TEKT2: variants seen among roughly 807,000 people sequenced by gnomAD.
TEKT2 encodes the protein tektin-2.
TEKT2 carries 45 observed loss-of-function variants against 49.8 expected under a neutral mutation model. The ratio of observed to expected loss-of-function variants is 0.90; its 90% confidence interval spans 0.71 to 1.16. The LOEUF (loss-of-function observed/expected upper bound fraction) is 1.16, where lower values mean the gene tolerates loss of function less well. Ranked by LOEUF, TEKT2 falls within the 50% of genes most tolerant of loss-of-function variation. The pLI is 0.00. For missense variants in TEKT2, 523 were observed against 551.4 expected, an observed-to-expected ratio of 0.95 and a Z score of 0.52; for synonymous variants, 202 against 224.6, an observed-to-expected ratio of 0.90 and a Z score of 0.90.
In TEKT2 at chr1:36,087,114, G is replaced by A; in HGVS notation, c.747+69G>A. On this transcript the variant is annotated intron_variant, in intron 6 of 9. Coordinates refer to ENST00000207457, the MANE Select transcript of TEKT2 (RefSeq NM_014466.3). This position sits in a 1 kb window ranked among gnomAD's most constrained non-coding sequence, Gnocchi z 4.9. ...CAGCCCTTATCTTCTGTTCCCTGCT[G>A]TGCATGTGGCCCCCTGCCCCTCGCT... 6.2e-7 allele frequency: 1 copy of A among 1,605,156 alleles called. No individual in the cohort carries two copies. The highest frequency in any genetic ancestry group is 8.5e-7 in the Non-Finnish European group (1 of 1,173,406).
Position 36,084,538 on chromosome 1 carries a change from A to C in TEKT2, c.-52-332A>C. 1 of 342,092 alleles carries C rather than the reference A, an allele frequency of 2.9e-6. No homozygotes were observed. Among genetic ancestry groups the C allele is most frequent in the Non-Finnish European group, 5.6e-6 (1 of 179,418 alleles). 21.2% of individuals were successfully genotyped at this position (342,092 alleles called of 1,614,324 possible). ...ATGGTTGGCTGGGGGCAGGTGTGGA[A>C]AATGCATTAAGGGCAATTTTTTTCT... On this transcript the variant is annotated intron_variant, in intron 1 of 9. Coordinates refer to ENST00000207457, the MANE Select transcript of TEKT2 (RefSeq NM_014466.3). This position sits in a 1 kb window ranked among gnomAD's most constrained non-coding sequence, Gnocchi z 4.1.
Position 36,087,325 on chromosome 1 carries a change from G to A in TEKT2, c.855+14G>A, listed in dbSNP as rs576598464. ...CAAGAGAAGAATGTGAGCATCTCCA[G>A]GGGCCTGGACTTCCTGCTGTGGGAT... On this transcript the variant is annotated intron_variant, in intron 7 of 9. Coordinates refer to ENST00000207457, the MANE Select transcript of TEKT2 (RefSeq NM_014466.3). This position sits in a 1 kb window ranked among gnomAD's most constrained non-coding sequence, Gnocchi z 4.9. 1.5e-5 allele frequency: 24 copies of A among 1,614,010 alleles called. No homozygotes were observed. Among genetic ancestry groups the A allele is most frequent in the Middle Eastern group, 3.3e-4 (2 of 6,060 alleles).
In TEKT2 at chr1:36,086,984, C is replaced by T. The variant is rs142723316; in HGVS notation, c.686C>T (p.Ala229Val). ...DDFSRFNKDR[A>V]EAEMKAATEL... ...TTCAGTCGGTTCAACAAGGACCGAG[C>T]GGAGGCTGAGATGAAGGCAGCCACA... The change falls in exon 6 of 10, where the codon GCG becomes GTG. Residue 229 changes from alanine (A) to valine (V), a missense_variant. By Grantham distance (64) the Ala-to-Val change is moderately conservative (BLOSUM62 0). Coordinates refer to ENST00000207457, the MANE Select transcript of TEKT2 (RefSeq NM_014466.3). The T allele has an allele frequency of 7.4e-4, 1,191 of 1,613,902 alleles. 4 individuals carry two copies. The highest frequency in any genetic ancestry group is 2.0e-3 in the Middle Eastern group (12 of 6,062).
chr1:36,088,275 AGGCC>A (rs1643421653), downstream of TEKT2: 3 of 1,199,124 alleles, frequency 2.5e-6, no homozygotes, highest in African/African-American at 4.5e-5. Context: ...AGAGGATCTC[AGGCC>A]GGCTGTTCTC....
In TEKT2 at chr1:36,088,034, G is replaced by A. The variant is rs534486065; in HGVS notation, c.1141G>A (p.Ala381Thr). ...ARLQADIACK[A>T]NSMLLDTKCM... Reference sequence around the variant, plus strand: ...GCTGCAGGCTGACATTGCCTGCAAGGCCAACTCCATGCTGCTGGACACCAA... The same window carrying A: ...GCTGCAGGCTGACATTGCCTGCAAGACCAACTCCATGCTGCTGGACACCAA... Residue 381 changes from alanine to threonine, a missense_variant, in exon 10 of 10, where the codon GCC becomes ACC. Ala to Thr is a moderately conservative substitution (Grantham distance 58). Transcript: ENST00000207457. The A allele has an allele frequency of 1.2e-6, 2 of 1,612,726 alleles. No homozygotes were observed. The highest frequency in any genetic ancestry group is 4.5e-5 in the East Asian group (2 of 44,866).
chr1:36,087,941 G>A lies in TEKT2; in HGVS notation c.1080-32G>A. ...GCAGCCCAGGCCTCCCAGCCTCATGGGGGCTGGGGGGTTGTCAATGTCCTT... is the reference window on the plus strand; with the variant it reads ...GCAGCCCAGGCCTCCCAGCCTCATGAGGGCTGGGGGGTTGTCAATGTCCTT... On this transcript the variant is annotated intron_variant, in intron 9 of 9. Coordinates refer to ENST00000207457, the MANE Select transcript of TEKT2 (RefSeq NM_014466.3). This position sits in a 1 kb window ranked among gnomAD's most constrained non-coding sequence, Gnocchi z 4.9. The A allele has an allele frequency of 6.3e-7, 1 of 1,599,230 alleles. No homozygotes were observed. The highest frequency in any genetic ancestry group is 8.5e-7 in the Non-Finnish European group (1 of 1,173,154).
chr1:36,085,847 A>G lies in TEKT2; in HGVS notation c.294A>G (p.Ser98=). Residue 98 remains serine, a synonymous_variant, in exon 4 of 10, where the codon TCA becomes TCG. Coordinates refer to ENST00000207457, the MANE Select transcript of TEKT2 (RefSeq NM_014466.3). ...EIDALTQMKE[S]AEQNLQAKNL... is the part of the protein sequence containing the mutation. Reference sequence around the variant, plus strand: ...GCCCTCTTTTCTAGATGAAGGAGTCAGCAGAGCAAAACCTGCAGGCCAAGA... The same window carrying G: ...GCCCTCTTTTCTAGATGAAGGAGTCGGCAGAGCAAAACCTGCAGGCCAAGA... 1.9e-6 allele frequency: 3 copies of G among 1,613,706 alleles called. No individual in the cohort carries two copies. The highest frequency in any genetic ancestry group is 2.5e-6 in the Non-Finnish European group (3 of 1,179,896).
At chr1:36,085,444 T>A (rs1399090623) in intron 3 of TEKT2, among the ~76,000 whole-genome samples, 156 bp downstream of exon 3, 1 of 151,318 alleles carries the variant, frequency 6.6e-6, no homozygotes, top group Non-Finnish European at 1.5e-5. Flanking sequence ...TACTTCCCCA[T>A]GGATGGCCCC....
chr1:36,088,217 T>TG lies in TEKT2; in HGVS notation c.*34dup. On this transcript the variant is annotated 3_prime_UTR_variant, in exon 10 of 10. Coordinates refer to ENST00000207457, the MANE Select transcript of TEKT2 (RefSeq NM_014466.3). ...GAGGACTGCAGGAGGAGGGCAGGGT[T>TG]GGGTGGGCAATGGAAGGAGGGAGGA... The TG allele has an allele frequency of 4.5e-6, 5 of 1,104,638 alleles. No homozygotes were observed. The highest frequency in any genetic ancestry group is 5.4e-6 in the Non-Finnish European group (4 of 735,174). 68.4% of individuals were successfully genotyped at this position (1,104,638 alleles called of 1,614,324 possible).
In TEKT2 at chr1:36,087,518, A is replaced by G; in HGVS notation, c.935A>G (p.Lys312Arg). ...EDLRTKLLSL[K>R]LSHTRLEART... is the part of the protein sequence containing the mutation. ...CTGCGCACAAAGCTCCTGAGCCTGA[A>G]GCTGTCCCATACCCGGCTAGAGGCC... The change falls in exon 8 of 10, where the codon AAG becomes AGG. Residue 312 changes from lysine to arginine, a missense_variant. Lys to Arg is a conservative substitution (Grantham distance 26, BLOSUM62 2). Coordinates refer to ENST00000207457, the MANE Select transcript of TEKT2 (RefSeq NM_014466.3). The surrounding 1 kb of genome is among the most constrained non-coding windows in gnomAD (Gnocchi z 4.9). The G allele has an allele frequency of 6.2e-7, 1 of 1,613,854 alleles. No homozygotes were observed. The highest frequency in any genetic ancestry group is 2.2e-5 in the East Asian group (1 of 44,880).
chr1:36,087,489 G>A lies in TEKT2; in HGVS notation c.906G>A (p.Glu302=), dbSNP rs1643400607. Residue 302 remains glutamate (E), a synonymous_variant, in exon 8 of 10, where the codon GAG becomes GAA. Transcript: ENST00000207457. The surrounding 1 kb of genome is among the most constrained non-coding windows in gnomAD (Gnocchi z 4.9). ...ELQEDIRHLE[E]DLRTKLLSLK... is the part of the protein sequence containing the mutation. The stretch of plus-strand genomic sequence containing the variant: ...AGGAGGACATCCGGCACCTGGAGGA[G>A]GATCTGCGCACAAAGCTCCTGAGCC... 1 of 1,613,854 alleles carries A rather than the reference G, an allele frequency of 6.2e-7. No homozygotes were observed. The highest frequency in any genetic ancestry group is 8.5e-7 in the Non-Finnish European group (1 of 1,180,034).
At position 36,086,050 on chromosome 1, in the gene TEKT2, G is replaced by A. The variant is rs1458149156; in HGVS notation, c.488+9G>A. 6.4e-7 allele frequency: 1 copy of A among 1,565,692 alleles called. No individual in the cohort carries two copies. Among genetic ancestry groups the A allele is most frequent in the Non-Finnish European group, 8.7e-7 (1 of 1,154,704 alleles). ...GCCTTCGAGCAGCTCTGGTAAGGGA[G>A]AGGCAGGTCGTCCGCATGTTCATGG... On this transcript the variant is annotated intron_variant, in intron 4 of 9. Coordinates refer to ENST00000207457, the MANE Select transcript of TEKT2 (RefSeq NM_014466.3).
At position 36,087,848 on chromosome 1, in the gene TEKT2, C is replaced by T. The variant is rs763516202; in HGVS notation, c.1079+41C>T. The T allele has an allele frequency of 6.2e-7, 1 of 1,609,310 alleles. No homozygotes were observed. Among genetic ancestry groups the T allele is most frequent in the Admixed American group, 1.7e-5 (1 of 59,322 alleles). On this transcript the variant is annotated intron_variant, in intron 9 of 9. Transcript: ENST00000207457. The surrounding 1 kb of genome is among the most constrained non-coding windows in gnomAD (Gnocchi z 4.9). ...GGGCGGAAGGAGCAGTGAGACGCTG[C>T]CCACAAATGGGGCCTCTTGCTGGCT...
At chr1:36,086,371 C>T (rs985954344) in intron 4 of TEKT2, among the ~76,000 whole-genome samples, 3 of 152,054 alleles carry the variant, frequency 2.0e-5, no homozygotes, top group Admixed American at 2.0e-4. Flanking sequence ...CCGTGTGCCC[C>T]GCAGGTGTAT....
At position 36,086,916 on chromosome 1, in the gene TEKT2, C is replaced by T; in HGVS notation, c.633-15C>T. On this transcript the variant is annotated splice_polypyrimidine_tract_variant and intron_variant, in intron 5 of 9. Transcript: ENST00000207457. ...GCCACACCCTCATGACCCCCATTTT[C>T]CCTGCCACCTGCAGCTCCACCACAC... The T allele has an allele frequency of 6.2e-7, 1 of 1,613,944 alleles. No homozygotes were observed. Among genetic ancestry groups the T allele is most frequent in the Non-Finnish European group, 8.5e-7 (1 of 1,180,020 alleles).
rs774621588 is a variant in TEKT2, at chr1:36,085,048, C to T, written c.127C>T (p.Arg43Trp). 1.1e-5 allele frequency: 17 copies of T among 1,614,006 alleles called. No individual in the cohort carries two copies. In the Admixed American group the frequency reaches 2.3e-4, roughly 22 times the overall value. ...DASHQIRQEA[R>W]VLRNETNNQT... The stretch of plus-strand genomic sequence containing the variant: ...TTCCCATCAGATCCGCCAGGAGGCC[C>T]GGGTGCTCCGCAACGAGACCAACAA... Residue 43 changes from arginine to tryptophan, a missense_variant, in exon 2 of 10, where the codon CGG becomes TGG. Coordinates refer to ENST00000207457, the MANE Select transcript of TEKT2 (RefSeq NM_014466.3).
chr1:36,084,739 G>A lies in TEKT2; in HGVS notation c.-52-131G>A. ...CTCACACAAAGTTGAGTAAAGCAAGGGCTGTCTCCAAGCAGGCTTCCAGCA... is the reference window on the plus strand; with the variant it reads ...CTCACACAAAGTTGAGTAAAGCAAGAGCTGTCTCCAAGCAGGCTTCCAGCA... On this transcript the variant is annotated intron_variant, in intron 1 of 9. Transcript: ENST00000207457. This position sits in a 1 kb window ranked among gnomAD's most constrained non-coding sequence, Gnocchi z 4.1. The A allele has an allele frequency of 1.2e-6, 1 of 819,642 alleles. No individual in the cohort carries two copies. Among genetic ancestry groups the A allele is most frequent in the Non-Finnish European group, 2.0e-6 (1 of 495,872 alleles). The allele number at this position is 819,642 out of a possible 1,614,324, so 50.8% of individuals were successfully genotyped here.
chr1:36,085,101 G>C (rs1486772524), intron 2 of TEKT2, 24 bp downstream of exon 2: 2 of 1,614,084 alleles, frequency 1.2e-6, no homozygotes, highest in African/African-American at 2.7e-5. Flanking sequence ...ACTCAGCTGG[G>C]TGGGCAAAGG....
In TEKT2 at chr1:36,086,652, C is replaced by T. The variant is rs1570001231; in HGVS notation, c.489-52C>T. The T allele has an allele frequency of 2.5e-6, 4 of 1,613,236 alleles. No homozygotes were observed. In the East Asian group the frequency reaches 6.7e-5, roughly 27 times the overall value. On this transcript the variant is annotated intron_variant, in intron 4 of 9. Transcript: ENST00000207457. ...GTGGTGTCCCTTTAGTACAGTGAGG[C>T]CTGCCTCTGGCCCTTGGGGGATGGT...
Sources: gnomAD v4.1 joint callset for allele counts (sites outside exome capture counted in the v4.1 genomes callset) on GRCh38, gnomAD v4.1.1 for gene constraint, Gnocchi (gnomAD v3.1) non-coding constraint, MANE v1.5 for transcripts, NCBI Gene and HGNC (gene_info 2026-07-23, HGNC 2026-07-21) for gene names.